RBFOX1: variants seen among roughly 807,000 people sequenced by gnomAD.
RBFOX1 encodes RNA binding protein fox-1 homolog 1.
Under a neutral mutation model 57.7 loss-of-function variants are expected in RBFOX1, and 8 were observed. The observed-to-expected ratio is 0.14, with a 90% confidence interval of 0.08 to 0.25. RBFOX1 has a LOEUF of 0.25. Among genes scored for constraint, RBFOX1 ranks in the 10% least tolerant of loss-of-function variants. The pLI, the probability that RBFOX1 is intolerant of heterozygous loss-of-function variation, is 1.00. For synonymous variants in RBFOX1, 326 were observed against 222.4 expected, an observed-to-expected ratio of 1.47 and a Z score of -4.15; for missense variants, 611 against 548.5, an observed-to-expected ratio of 1.11 and a Z score of -1.14.
intron 3 of RBFOX1, among the ~76,000 whole-genome samples, chr16:5,862,447 C>G (rs1164739169): frequency 1.3e-5 from 2 of 152,070 alleles, no homozygotes; most frequent in African/African-American, 4.8e-5. Flanking sequence ...CACAGCCATC[C>G]CTACTGTAAA....
intron 1 of RBFOX1, among the ~76,000 whole-genome samples, chr16:6,227,196 C>T (rs1050642441): frequency 1.3e-5 from 2 of 151,984 alleles, no homozygotes; most frequent in African/African-American, 4.8e-5. Context: ...AGCTGTCTAC[C>T]CTGGCCCTCC....
chr16:6,679,318 A>G (rs2058255005), intron 3 of RBFOX1, among the ~76,000 whole-genome samples: 1 of 152,132 alleles, frequency 6.6e-6, no homozygotes, highest in Non-Finnish European at 1.5e-5. Flanking sequence ...CTCAAGGAGA[A>G]GATAACAATG....
At chr16:5,499,841 G>A (rs1351639166) in intron 2 of RBFOX1, among the ~76,000 whole-genome samples, 1 of 152,092 alleles carries the variant, frequency 6.6e-6, no homozygotes, top group Non-Finnish European at 1.5e-5. Context: ...CCAAAGTGTT[G>A]GGATTACAGG....
In RBFOX1 at chr16:6,019,107, A is replaced by G; in HGVS notation, c.-1012A>G. On this transcript the variant is annotated 5_prime_UTR_variant, in exon 1 of 16. The change abolishes an upstream ATG in the 5' untranslated region. Transcript: ENST00000550418. This position sits in a 1 kb window ranked among gnomAD's most constrained non-coding sequence, Gnocchi z 4.2. The stretch of plus-strand genomic sequence containing the variant: ...CACAGACACACACGCACACACACAC[A>G]TGCACACATTTTCTCGCGCTCTCTC... The G allele has an allele frequency of 3.0e-6, 3 of 984,638 alleles. No homozygotes were observed. Among genetic ancestry groups the G allele is most frequent in the Non-Finnish European group, 3.6e-6 (3 of 829,814 alleles). 61.0% of individuals were successfully genotyped at this position (984,638 alleles called of 1,614,324 possible).
intron 10 of RBFOX1, among the ~76,000 whole-genome samples, chr16:7,629,717 C>G (rs1389411385): frequency 1.3e-5 from 2 of 152,218 alleles, no homozygotes; most frequent in Non-Finnish European, 2.9e-5. Context: ...GAGGAGGTAT[C>G]TCAGGATTCC....
chr16:6,269,146 TTTCTC>T (rs2074908544), intron 1 of RBFOX1, among the ~76,000 whole-genome samples: 1 of 152,214 alleles, frequency 6.6e-6, no homozygotes, highest in Non-Finnish European at 1.5e-5. Context: ...GTATGACAGA[TTTCTC>T]TTCTCTGCTG....
At chr16:6,952,238 C>T (rs2080916895) in intron 3 of RBFOX1, among the ~76,000 whole-genome samples, 1 of 152,160 alleles carries the variant, frequency 6.6e-6, no homozygotes, top group African/African-American at 2.4e-5. Context: ...AGGACCTTTC[C>T]CTGCTACGTT....
At chr16:6,976,188 C>T (rs908908826) in intron 3 of RBFOX1, among the ~76,000 whole-genome samples, 6 of 152,052 alleles carry the variant, frequency 3.9e-5, no homozygotes, top group South Asian at 2.1e-4. Context: ...ATGATTTCTA[C>T]AGGAGTTACA....
At chr16:6,449,596 G>C (rs1302473073) in intron 2 of RBFOX1, among the ~76,000 whole-genome samples, 1 of 152,214 alleles carries the variant, frequency 6.6e-6, no homozygotes, top group Non-Finnish European at 1.5e-5. Flanking sequence ...CTTATGATGG[G>C]CACTGGGATG....
At chr16:6,395,784 G>A (rs183645581) in intron 2 of RBFOX1, among the ~76,000 whole-genome samples, 3 of 151,948 alleles carry the variant, frequency 2.0e-5, no homozygotes, top group Non-Finnish European at 2.9e-5. Context: ...TAACATGAGG[G>A]CCTTGCACAG....
chr16:5,426,795 C>A (rs1000908687), intron 1 of RBFOX1, among the ~76,000 whole-genome samples: 1 of 152,114 alleles, frequency 6.6e-6, no homozygotes, highest in Non-Finnish European at 1.5e-5. Context: ...GTGCTGGCTA[C>A]CATTAAATAT....
At chr16:7,458,301 C>G (rs2058921134) in intron 4 of RBFOX1, among the ~76,000 whole-genome samples, 1 of 152,178 alleles carries the variant, frequency 6.6e-6, no homozygotes, top group African/African-American at 2.4e-5. Flanking sequence ...TTGTGTGTCT[C>G]TCTGCCTTCC....
intron 2 of RBFOX1, among the ~76,000 whole-genome samples, chr16:6,503,407 T>C (rs1011091237): frequency 6.6e-6 from 1 of 152,128 alleles, no homozygotes; most frequent in African/African-American, 2.4e-5. Flanking sequence ...TTCCAATATT[T>C]CGTGGCTTAA....
intron 2 of RBFOX1, among the ~76,000 whole-genome samples, chr16:6,474,311 C>G (rs1332589566): frequency 6.6e-6 from 1 of 152,034 alleles, no homozygotes; most frequent in Non-Finnish European, 1.5e-5. Context: ...TTTTCAGGAC[C>G]CTTTAATCAT....
rs146791290 is a variant in RBFOX1 at position 7,041,724 on chromosome 16, C to G, written c.-15-10333C>G. Among the ~76,000 whole-genome samples, 7 of 152,288 alleles carry G rather than the reference C, an allele frequency of 4.6e-5. No individual in the cohort carries two copies. In the East Asian group the frequency reaches 1.3e-3, roughly 29 times the overall value. On this transcript the variant is annotated intron_variant, in intron 3 of 15. Coordinates refer to ENST00000550418, the MANE Select transcript of RBFOX1 (RefSeq NM_018723.4). ...ATTAATTTAGCCAAATTCACAAGGC[C>G]TCTTGGGGAACAAAGCCAGGATTTG... is the stretch of plus-strand genomic sequence containing the variant.
chr16:6,564,686 A>T (rs142054077), intron 2 of RBFOX1, among the ~76,000 whole-genome samples: 186 of 152,300 alleles, frequency 1.2e-3, no homozygotes, highest in African/African-American at 4.1e-3. Flanking sequence ...CACAAATTTC[A>T]GTAAAAAGAT....
intron 3 of RBFOX1, among the ~76,000 whole-genome samples, chr16:6,805,186 C>T (rs933843291): frequency 6.6e-6 from 1 of 152,138 alleles, no homozygotes; most frequent in Non-Finnish European, 1.5e-5. Context: ...TGTGGTACAT[C>T]TACACCATGG....
chr16:7,028,584 T>TCACA (rs59540999), intron 3 of RBFOX1, among the ~76,000 whole-genome samples: 22 of 55,066 alleles, frequency 4.0e-4, no homozygotes, highest in African/African-American at 4.7e-4. Context: ...TGAAACTCCC[T>TCACA]CACACACACA....
rs1379847742 is a variant in RBFOX1, at chr16:7,620,606, G to C, written c.677-9997G>C. The stretch of plus-strand genomic sequence containing the variant: ...CAGGAGGTTCTAGCTAACATCTTTA[G>C]CCAGGAAGAGTCAGGTGTTTCCTGC... On this transcript the variant is annotated intron_variant, in intron 10 of 15. Coordinates refer to ENST00000550418, the MANE Select transcript of RBFOX1 (RefSeq NM_018723.4). 2.6e-4 allele frequency among the ~76,000 whole-genome samples: 40 copies of C among 152,182 alleles called. 3 individuals carry two copies. The highest frequency in any genetic ancestry group is 2.6e-3 in the Admixed American group (40 of 15,278).
Sources: gnomAD v4.1 joint callset for allele counts (sites outside exome capture counted in the v4.1 genomes callset) on GRCh38, gnomAD v4.1.1 for gene constraint, Gnocchi (gnomAD v3.1) non-coding constraint, MANE v1.5 for transcripts, NCBI Gene and HGNC (gene_info 2026-07-23, HGNC 2026-07-21) for gene names.